The following MSI2 variants were observed in gnomAD, a reference collection of about 807,000 sequenced individuals.
MSI2 encodes the protein RNA-binding protein Musashi homolog 2.
Under a neutral mutation model 45.6 loss-of-function variants are expected in MSI2, and 17 were observed. The ratio of observed to expected loss-of-function variants is 0.37; its 90% CI spans 0.26 to 0.56. The LOEUF is 0.56. MSI2 is among the 20% of genes least tolerant of loss of function. MSI2 has a pLI of 0.77. For synonymous variants in MSI2, 156 were observed against 158.2 expected (o/e 0.99, Z 0.11); for missense variants, 293 against 444.2 (o/e 0.66, Z 3.06).
At chr17:57,371,563 ACACACAC>A (rs1227008632) in intron 5 of MSI2, among the ~76,000 whole-genome samples, 4 of 150,792 alleles carry the variant, frequency 2.7e-5, no homozygotes, top group Non-Finnish European at 5.9e-5. Flanking sequence ...ACACACACAC[ACACACAC>A]AAATCATTGG....
intron 6 of MSI2, among the ~76,000 whole-genome samples, chr17:57,437,053 A>G (rs1487724127): frequency 6.6e-6 from 1 of 152,202 alleles, no homozygotes; most frequent in Non-Finnish European, 1.5e-5. Flanking sequence ...TGGTAGGTCA[A>G]GTGTCTGTTG....
At chr17:57,691,201 A>G in the MSI2 span, among the ~76,000 whole-genome samples, 1 of 8,582 alleles carries the variant, frequency 1.2e-4, no homozygotes, top group Admixed American at 1.5e-3. Flanking sequence ...TCTCTCTCTC[A>G]TCTATCTATC....
chr17:57,624,571 G>A (rs770432080), intron 9 of MSI2, among the ~76,000 whole-genome samples: 2 of 152,160 alleles, frequency 1.3e-5, no homozygotes, highest in Non-Finnish European at 2.9e-5. Flanking sequence ...TTAGCTAGCA[G>A]TCAGTGCAGA....
intron 6 of MSI2, among the ~76,000 whole-genome samples, chr17:57,490,506 A>C (rs2085849100): frequency 6.6e-6 from 1 of 152,230 alleles, no homozygotes; most frequent in Non-Finnish European, 1.5e-5. Context: ...CTCTGCTTTG[A>C]AAACAGCCCT....
At chr17:57,617,012 A>G (rs1204524536) in intron 9 of MSI2, among the ~76,000 whole-genome samples, 1 of 152,244 alleles carries the variant, frequency 6.6e-6, no homozygotes, top group Non-Finnish European at 1.5e-5. Flanking sequence ...TCCCACTTCT[A>G]CATTGTTTGA....
intron 6 of MSI2, among the ~76,000 whole-genome samples, chr17:57,465,996 A>G (rs984989833): frequency 1.3e-5 from 2 of 152,076 alleles, no homozygotes; most frequent in Non-Finnish European, 2.9e-5. Context: ...ACTGTAATAA[A>G]TTTCCTGAAA....
intron 5 of MSI2, among the ~76,000 whole-genome samples, chr17:57,384,518 A>C (rs1461684640): frequency 6.6e-6 from 1 of 152,208 alleles, no homozygotes; most frequent in Non-Finnish European, 1.5e-5. Context: ...TTTATGACTC[A>C]GCATTGAAAT....
At chr17:57,540,648 A>G (rs1334606832) in intron 7 of MSI2, among the ~76,000 whole-genome samples, 1 of 152,238 alleles carries the variant, frequency 6.6e-6, no homozygotes, top group Non-Finnish European at 1.5e-5. Context: ...AGATGGCCAC[A>G]TGACCTCAGA....
At chr17:57,338,604 C>G (rs1472227323) in intron 5 of MSI2, among the ~76,000 whole-genome samples, 1 of 152,246 alleles carries the variant, frequency 6.6e-6, no homozygotes, top group East Asian at 1.9e-4. Context: ...AACTCGTAGC[C>G]GGGTCTCTGC....
intron 7 of MSI2, among the ~76,000 whole-genome samples, chr17:57,581,659 C>T (rs1011566921): frequency 3.3e-5 from 5 of 152,132 alleles, no homozygotes; most frequent in African/African-American, 7.2e-5. Context: ...GGGTGAACCC[C>T]GAAGAACACT....
intron 5 of MSI2, among the ~76,000 whole-genome samples, chr17:57,383,282 C>G (rs988328623): frequency 2.0e-5 from 3 of 152,212 alleles, no homozygotes; most frequent in African/African-American, 7.2e-5. Flanking sequence ...CAAGAAAGGC[C>G]TCTTAAAAAT....
At chr17:57,329,285 CT>C (rs1270924943) in intron 5 of MSI2, among the ~76,000 whole-genome samples, 3 of 152,204 alleles carry the variant, frequency 2.0e-5, no homozygotes, top group Non-Finnish European at 4.4e-5. Context: ...TTGGAAAACA[CT>C]GTATTTCTTT....
At chr17:57,349,219 A>G (rs1915835667) in intron 5 of MSI2, among the ~76,000 whole-genome samples, 1 of 152,010 alleles carries the variant, frequency 6.6e-6, no homozygotes, top group African/African-American at 2.4e-5. Context: ...TCCTCAGCTC[A>G]CTGCCTTCTC....
chr17:57,617,855 G>A (rs1419984601), intron 9 of MSI2, among the ~76,000 whole-genome samples: 1 of 152,108 alleles, frequency 6.6e-6, no homozygotes, highest in Non-Finnish European at 1.5e-5. Flanking sequence ...TGGATCACCT[G>A]AGGTCAGGAG....
intron 11 of MSI2, among the ~76,000 whole-genome samples, chr17:57,653,384 C>T (rs1469562191): frequency 6.6e-6 from 1 of 152,160 alleles, no homozygotes; most frequent in African/African-American, 2.4e-5. Flanking sequence ...GGCAGACTGG[C>T]AGGCAGGTCC....
At chr17:57,373,614 C>T (rs1181261357) in intron 5 of MSI2, among the ~76,000 whole-genome samples, 2 of 152,172 alleles carry the variant, frequency 1.3e-5, no homozygotes, top group African/African-American at 4.8e-5. Context: ...CAGAGCTATG[C>T]AGCAGATCTG....
At chr17:57,271,533 G>A (rs1379499767) in intron 5 of MSI2, among the ~76,000 whole-genome samples, 3 of 152,226 alleles carry the variant, frequency 2.0e-5, no homozygotes, top group Non-Finnish European at 4.4e-5. Flanking sequence ...TGGGGAGAGA[G>A]TGCTTCAGAA....
intron 7 of MSI2, among the ~76,000 whole-genome samples, chr17:57,546,896 A>G (rs1465463181): frequency 6.6e-6 from 1 of 152,252 alleles, no homozygotes; most frequent in African/African-American, 2.4e-5. Flanking sequence ...GGAACAAGGC[A>G]GGCCAAATCC....
chr17:57,588,435 G>A (rs1904516794), intron 7 of MSI2, among the ~76,000 whole-genome samples: 1 of 152,196 alleles, frequency 6.6e-6, no homozygotes, highest in South Asian at 2.1e-4. Flanking sequence ...ATCAAGTCTG[G>A]CATCCCAGTC....
Sources: gnomAD v4.1 joint callset for allele counts (sites outside exome capture counted in the v4.1 genomes callset) on GRCh38, gnomAD v4.1.1 for gene constraint, MANE v1.5 for transcripts, NCBI Gene and HGNC (gene_info 2026-07-23, HGNC 2026-07-21) for gene names.